MGRN1: variants seen among roughly 807,000 people sequenced by gnomAD.
MGRN1 encodes mahogunin ring finger 1.
A neutral mutation model predicts 69.2 loss-of-function variants in MGRN1; 29 were observed. The ratio of observed to expected loss-of-function variants is 0.42; its 90% CI spans 0.31 to 0.57. MGRN1 has a LOEUF of 0.57. Among genes scored for constraint, MGRN1 ranks in the 20% least tolerant of loss-of-function variants. The probability of loss-of-function intolerance (pLI) is 0.15; values close to 1 mark genes in which losing one functional copy is unlikely to be tolerated. For missense variants in MGRN1, 998 were observed against 796.2 expected, an observed-to-expected ratio of 1.25 and a Z score of -3.05; for synonymous variants, 470 against 344.2, an observed-to-expected ratio of 1.37 and a Z score of -4.04.
intron 1 of MGRN1, among the ~76,000 whole-genome samples, chr16:4,633,046 G>A (rs951427292): frequency 1.3e-5 from 2 of 152,136 alleles, no homozygotes; most frequent in Admixed American, 6.6e-5. Flanking sequence ...TTGCCCCACT[G>A]TACTCCAGCC....
chr16:4,664,907 T>G, intron 6 of MGRN1, 132 bp downstream of exon 6: 1 of 1,318,944 alleles, frequency 7.6e-7, no homozygotes, highest in Admixed American at 1.9e-5. Flanking sequence ...CAGGGCAGGG[T>G]GTGAGCAGCT....
chr16:4,641,299 G>C (rs570470235), intron 1 of MGRN1, among the ~76,000 whole-genome samples: 1 of 152,100 alleles, frequency 6.6e-6, no homozygotes, highest in African/African-American at 2.4e-5. Context: ...TCTCCTTCCC[G>C]TGTTTCTTCT....
chr16:4,641,179 C>T (rs138778005), intron 1 of MGRN1, among the ~76,000 whole-genome samples: 304 of 152,334 alleles, frequency 2.0e-3, no homozygotes, highest in Non-Finnish European at 3.3e-3. Flanking sequence ...AGCTCATGCA[C>T]GCACACACCA....
chr16:4,664,724 G>C lies in MGRN1; in HGVS notation c.577G>C (p.Asp193His). ...CTCTCCTCAGCTGAACTTTGACCTG[G>C]ACCGGGGCGTGTTTCCAGTAGTCAT... ...WKDDELNFDLDRGVFPVVIQA... is the reference protein window; with the variant it reads ...WKDDELNFDLHRGVFPVVIQA... The change falls in exon 6 of 17, where the codon GAC becomes CAC. Residue 193 changes from aspartate to histidine, a missense_variant. By Grantham distance (81) the Asp-to-His change is moderately conservative (BLOSUM62 -1). Coordinates refer to ENST00000262370, the MANE Select transcript of MGRN1 (RefSeq NM_015246.4). 1 of 1,614,194 alleles carries C rather than the reference G, an allele frequency of 6.2e-7. No individual in the cohort carries two copies. The highest frequency in any genetic ancestry group is 8.5e-7 in the Non-Finnish European group (1 of 1,180,050).
At position 4,632,007 on chromosome 16, in the gene MGRN1, C is replaced by CTTTTTTTTTTTTT. The variant is rs869090061; in HGVS notation, c.88+6971_88+6983dup. 3.9e-4 allele frequency among the ~76,000 whole-genome samples: 25 copies of CTTTTTTTTTTTTT among 64,856 alleles called. 3 individuals carry two copies. The highest frequency in any genetic ancestry group is 8.9e-4 in the African/African-American group (13 of 14,544). The allele number at this position is 64,856 out of a possible 152,430, so 42.5% of individuals were successfully genotyped here. A position where few individuals can be genotyped will look rare whatever the true frequency, so the allele number is the denominator to read the frequency against. On this transcript the variant is annotated intron_variant, in intron 1 of 16. Transcript: ENST00000262370. ...CAATCTAGTAGTGATAAAAAATTTC[C>CTTTTTTTTTTTTT]TTTTTTTTTTTTTTTTTTTTTTTTG...
At chr16:4,687,524 A>ACGGGGGGCC in intron 16 of MGRN1, 1 of 980,844 alleles carries the variant, frequency 1.0e-6, no homozygotes, top group African/African-American at 1.8e-5. Flanking sequence ...AAAAAAATAC[A>ACGGGGGGCC]CACACACCCA....
At chr16:4,667,272 G>A (rs1283520309) in intron 7 of MGRN1, among the ~76,000 whole-genome samples, 5 of 152,192 alleles carry the variant, frequency 3.3e-5, no homozygotes, top group South Asian at 2.1e-4. Flanking sequence ...AGCACCCCAG[G>A]GTCGGGGGTT....
At chr16:4,668,885 C>T (rs903768268) in intron 8 of MGRN1, among the ~76,000 whole-genome samples, 1 of 152,136 alleles carries the variant, frequency 6.6e-6, no homozygotes, top group Non-Finnish European at 1.5e-5. Context: ...TACACATATA[C>T]ATAGACACAC....
Position 4,668,267 on chromosome 16 carries a change from C to T in MGRN1, c.681C>T (p.His227=). 1 of 1,614,044 alleles carries T rather than the reference C, an allele frequency of 6.2e-7. No homozygotes were observed. Among genetic ancestry groups the T allele is most frequent in the Non-Finnish European group, 8.5e-7 (1 of 1,179,962 alleles). ...AHVLLAAFEK[H]MDGSFSVKPL... ...CTCTTTGTCTTTCTCCCCTGCAGCA[C>T]ATGGACGGCAGCTTCTCTGTGAAGC... is the stretch of plus-strand genomic sequence containing the variant. Residue 227 remains histidine, a splice_region_variant and synonymous_variant, in exon 8 of 17, where the codon CAC becomes CAT. Coordinates refer to ENST00000262370, the MANE Select transcript of MGRN1 (RefSeq NM_015246.4).
At chr16:4,670,539 C>T (rs1327203034) in intron 8 of MGRN1, among the ~76,000 whole-genome samples, 3 of 152,244 alleles carry the variant, frequency 2.0e-5, no homozygotes, top group East Asian at 3.8e-4. Context: ...AGCCACTGCA[C>T]CCGGCCATCT....
At chr16:4,647,780 T>C (rs1425582017) in intron 1 of MGRN1, among the ~76,000 whole-genome samples, 1 of 152,194 alleles carries the variant, frequency 6.6e-6, no homozygotes, top group Non-Finnish European at 1.5e-5. Context: ...TGCCGCTTTC[T>C]TCTTTGTTTT....
Position 4,689,051 on chromosome 16 carries a change from C to G in MGRN1, c.*143C>G. ...CCGAGGGGCCGTGGTGACTCTTGATCAAAGAGCACAGTGAACTGTCCCTTC... is the reference window on the plus strand; with the variant it reads ...CCGAGGGGCCGTGGTGACTCTTGATGAAAGAGCACAGTGAACTGTCCCTTC... On this transcript the variant is annotated 3_prime_UTR_variant, in exon 17 of 17. Transcript: ENST00000262370. 1 of 1,135,140 alleles carries G rather than the reference C, an allele frequency of 8.8e-7. No homozygotes were observed. The highest frequency in any genetic ancestry group is 1.2e-6 in the Non-Finnish European group (1 of 829,512). The allele number at this position is 1,135,140 out of a possible 1,614,324, so 70.3% of individuals were successfully genotyped here. A position where few individuals can be genotyped will look rare whatever the true frequency, so the allele number is the denominator to read the frequency against.
In MGRN1 at chr16:4,664,533, C is replaced by A. The variant is rs970001057; in HGVS notation, c.562-176C>A. Reference sequence around the variant, plus strand: ...TGTGTTGTATCTGTTTTAACACACACATAAAAAAGGTGCCAAGCCTGGCAT... The same window carrying A: ...TGTGTTGTATCTGTTTTAACACACAAATAAAAAAGGTGCCAAGCCTGGCAT... On this transcript the variant is annotated intron_variant, in intron 5 of 16. Transcript: ENST00000262370. 6 of 637,988 alleles carry A rather than the reference C, an allele frequency of 9.4e-6. No individual in the cohort carries two copies. The African/African-American group carries it at 1.1e-4, about 12-fold the overall frequency. The allele number at this position is 637,988 out of a possible 1,614,324, so 39.5% of individuals were successfully genotyped here. A position where few individuals can be genotyped will look rare whatever the true frequency, so the allele number is the denominator to read the frequency against.
intron 13 of MGRN1, 143 bp from the exon 14 acceptor site, chr16:4,682,680 T>C: frequency 3.0e-6 from 3 of 993,214 alleles, no homozygotes; most frequent in South Asian, 6.0e-5. Flanking sequence ...CGGTGGCTGG[T>C]GATGCCCTTC....
intron 12 of MGRN1, chr16:4,681,291 C>A: frequency 1.9e-6 from 1 of 513,710 alleles, no homozygotes; most frequent in Non-Finnish European, 3.4e-6. Context: ...GAGGCCAGGG[C>A]TGGGGCGGTT....
intron 8 of MGRN1, among the ~76,000 whole-genome samples, chr16:4,668,645 C>T (rs1266771291): frequency 6.6e-6 from 1 of 151,794 alleles, no homozygotes; most frequent in Non-Finnish European, 1.5e-5. Flanking sequence ...CACACTCAGA[C>T]ACACTCATAT....
In MGRN1 at chr16:4,690,535, G is replaced by C. The variant is rs2141998505; in HGVS notation, c.*1627G>C. On this transcript the variant is annotated 3_prime_UTR_variant, in exon 17 of 17. Coordinates refer to ENST00000262370, the MANE Select transcript of MGRN1 (RefSeq NM_015246.4). The stretch of plus-strand genomic sequence containing the variant: ...CAGCCACCCCTCCCGCTCGTGCACA[G>C]GCACGCAGATGCGCTCACACGTACA... The C allele has an allele frequency of 6.5e-6, 1 of 152,702 alleles. No individual in the cohort carries two copies. Among genetic ancestry groups the C allele is most frequent in the South Asian group, 2.0e-4 (1 of 4,880 alleles). The allele number at this position is 152,702 out of a possible 1,614,324, so 9.5% of individuals were successfully genotyped here.
intron 10 of MGRN1, among the ~76,000 whole-genome samples, chr16:4,674,814 G>A (rs1267090058): frequency 6.8e-6 from 1 of 147,540 alleles, no homozygotes; most frequent in African/African-American, 2.5e-5. Flanking sequence ...CTAATTTTTT[G>A]TATTTTTAGT....
chr16:4,646,415 C>A (rs1260941466), intron 1 of MGRN1, among the ~76,000 whole-genome samples: 1 of 149,792 alleles, frequency 6.7e-6, no homozygotes, highest in African/African-American at 2.5e-5. Flanking sequence ...AGAGCAAGAC[C>A]CTGTCTCAAA....
Sources: allele counts gnomAD v4.1 joint callset (sites outside exome capture counted in the v4.1 genomes callset), GRCh38; gene constraint gnomAD v4.1.1; transcripts MANE v1.5; gene names NCBI Gene and HGNC (gene_info 2026-07-23, HGNC 2026-07-21).